The following SERGEF variants were observed in gnomAD, a reference collection of about 807,000 sequenced individuals.
SERGEF encodes secretion-regulating guanine nucleotide exchange factor.
SERGEF carries 51 observed loss-of-function variants against 50.0 expected under a neutral mutation model. The observed-to-expected ratio is 1.02, with a 90% CI of 0.81 to 1.29. SERGEF has a LOEUF of 1.29. SERGEF is among the 50% of genes most tolerant of loss of function. SERGEF has a pLI of 0.00. For missense variants in SERGEF, 521 were observed against 557.0 expected, an observed-to-expected ratio of 0.94 and a Z score of 0.65; for synonymous variants, 205 against 212.4, an observed-to-expected ratio of 0.97 and a Z score of 0.30.
intron 9 of SERGEF, among the ~76,000 whole-genome samples, chr11:17,897,463 G>C (rs901234988): frequency 6.6e-6 from 1 of 152,156 alleles, no homozygotes; most frequent in Non-Finnish European, 1.5e-5. Flanking sequence ...GTGGTAATTT[G>C]TTATGCAGCA....
chr11:17,868,035 T>C (rs528882236), intron 10 of SERGEF, among the ~76,000 whole-genome samples: 34 of 152,324 alleles, frequency 2.2e-4, no homozygotes, highest in Admixed American at 1.6e-3. Context: ...ACCCCTGACA[T>C]GCCCTGGAGA....
At chr11:17,935,959 TACCCA>T (rs201535965) in intron 9 of SERGEF, among the ~76,000 whole-genome samples, 1,573 of 152,288 alleles carry the variant, frequency 0.01, 27 homozygotes, top group African/African-American at 0.036. Flanking sequence ...CAAAGATCAC[TACCCA>T]TTCAGTCTTT....
chr11:18,006,552 C>G, intron 3 of SERGEF, 39 bp downstream of exon 3: 1 of 1,591,798 alleles, frequency 6.3e-7, no homozygotes, highest in Non-Finnish European at 8.6e-7. Flanking sequence ...TCACCCAAAG[C>G]CTTTGTGGTG....
chr11:18,000,114 C>T (rs1853928769), intron 5 of SERGEF, among the ~76,000 whole-genome samples: 1 of 152,086 alleles, frequency 6.6e-6, no homozygotes, highest in Non-Finnish European at 1.5e-5. Flanking sequence ...TGGTTTTTCT[C>T]CTAAAGTTAA....
intron 3 of SERGEF, 25 bp downstream of exon 3, chr11:18,006,566 A>C (rs1163117662): frequency 1.2e-6 from 2 of 1,603,962 alleles, no homozygotes; most frequent in East Asian, 4.5e-5. Flanking sequence ...TGTGGTGACA[A>C]AAATCTACCT....
At chr11:17,984,125 A>AG (rs1475190114) in intron 8 of SERGEF, among the ~76,000 whole-genome samples, 11 of 152,328 alleles carry the variant, frequency 7.2e-5, no homozygotes, top group Admixed American at 3.9e-4. Flanking sequence ...GGGTTTGAAG[A>AG]GATCTTTCAA....
intron 9 of SERGEF, among the ~76,000 whole-genome samples, chr11:17,912,554 C>T (rs537366316): frequency 6.6e-5 from 10 of 152,280 alleles, no homozygotes; most frequent in African/African-American, 1.2e-4. Flanking sequence ...AACCAAGGAA[C>T]GAACTGAACA....
chr11:17,974,914 A>G (rs1409581717), intron 8 of SERGEF, among the ~76,000 whole-genome samples: 1 of 152,224 alleles, frequency 6.6e-6, no homozygotes, highest in Non-Finnish European at 1.5e-5. Flanking sequence ...TGGTGAATAG[A>G]GCCACTGACT....
Position 17,788,093 on chromosome 11 carries a change from C to G in SERGEF, c.1369G>C (p.Gly457Arg), listed in dbSNP as rs145248658. Residue 457 changes from glycine to arginine, a missense_variant, in exon 11 of 11, where the codon GGA (glycine) becomes CGA (arginine). Coordinates refer to ENST00000265965, the MANE Select transcript of SERGEF (RefSeq NM_012139.4). ...QSQSDWSRNG[G>R]L ...TTATTAAAGATTCTCTATCACAGTC[C>G]CCCATTTCTGGACCAGTCAGATTGG... 1.1e-5 allele frequency: 16 copies of G among 1,519,318 alleles called. No individual in the cohort carries two copies. In the Admixed American group the frequency reaches 3.0e-4, roughly 29 times the overall value. 94.1% of individuals were successfully genotyped at this position (1,519,318 alleles called of 1,614,324 possible). A position where few individuals can be genotyped will look rare whatever the true frequency, so the allele number is the denominator to read the frequency against.
chr11:17,879,247 C>T (rs1159687194), intron 9 of SERGEF, among the ~76,000 whole-genome samples: 1 of 152,234 alleles, frequency 6.6e-6, no homozygotes, highest in Non-Finnish European at 1.5e-5. Context: ...TATGTCCCAA[C>T]TGCTAGCAGG....
At chr11:17,897,710 C>A (rs1851674566) in intron 9 of SERGEF, among the ~76,000 whole-genome samples, 1 of 152,110 alleles carries the variant, frequency 6.6e-6, no homozygotes, top group Non-Finnish European at 1.5e-5. Context: ...AGAAAGCAGG[C>A]AGAAAAACAA....
chr11:17,876,273 A>C (rs1386978157), intron 10 of SERGEF, among the ~76,000 whole-genome samples: 1 of 152,210 alleles, frequency 6.6e-6, no homozygotes, highest in African/African-American at 2.4e-5. Context: ...AAAATGGAAA[A>C]TAACAGGTCT....
chr11:17,838,548 T>C (rs1238466720), intron 10 of SERGEF, among the ~76,000 whole-genome samples: 2 of 152,170 alleles, frequency 1.3e-5, no homozygotes, highest in African/African-American at 4.8e-5. Flanking sequence ...TTTACACACA[T>C]TATCTCATTC....
At chr11:17,907,776 C>T (rs550976424) in intron 9 of SERGEF, among the ~76,000 whole-genome samples, 19 of 152,282 alleles carry the variant, frequency 1.2e-4, no homozygotes, top group African/African-American at 4.6e-4. Context: ...GGAGAAGGAT[C>T]TCAGAGGGAA....
intron 9 of SERGEF, among the ~76,000 whole-genome samples, chr11:17,929,380 C>A (rs1244429780): frequency 6.6e-6 from 1 of 152,080 alleles, no homozygotes; most frequent in East Asian, 1.9e-4. Context: ...CTCTTTGAGA[C>A]AGGAAGACAC....
At position 17,788,300 on chromosome 11, in the gene SERGEF, GGAGTCCTGAC is replaced by G; in HGVS notation, c.1152_1161del (p.Ser385LeufsTer?). ...GAGTGGCCAGCCCCACAGCCCACAA[GGAGTCCTGAC>G]GATGACAGCAGAGCCTGCACCGGCT... On this transcript the variant is annotated frameshift_variant, in exon 11 of 11. Coordinates refer to ENST00000265965, the MANE Select transcript of SERGEF (RefSeq NM_012139.4). LOFTEE classifies it low-confidence loss of function (END_TRUNC). The G allele has an allele frequency of 6.2e-7, 1 of 1,614,228 alleles. No individual in the cohort carries two copies.
intron 6 of SERGEF, among the ~76,000 whole-genome samples, 157 bp downstream of exon 6, chr11:17,995,639 C>G (rs1276982794): frequency 2.0e-5 from 3 of 152,188 alleles, no homozygotes; most frequent in African/African-American, 4.8e-5. Context: ...ACTGGGCCAA[C>G]AAACAATGCC....
intron 9 of SERGEF, among the ~76,000 whole-genome samples, chr11:17,932,063 A>G (rs1321887000): frequency 2.0e-5 from 3 of 152,228 alleles, no homozygotes; most frequent in Non-Finnish European, 4.4e-5. Flanking sequence ...TTTGGAAAAA[A>G]AAACAGCTTT....
chr11:17,791,186 T>G (rs910720793), intron 10 of SERGEF, among the ~76,000 whole-genome samples: 1 of 152,258 alleles, frequency 6.6e-6, no homozygotes, highest in African/African-American at 2.4e-5. Context: ...CCATAGGTTG[T>G]TTCCAATTTG....
Sources: gnomAD v4.1 joint callset for allele counts (sites outside exome capture counted in the v4.1 genomes callset) on GRCh38, gnomAD v4.1.1 for gene constraint, MANE v1.5 for transcripts, NCBI Gene and HGNC (gene_info 2026-07-23, HGNC 2026-07-21) for gene names.